Variants in BRD7 observed in about 807,000 individuals in gnomAD.
The protein encoded by BRD7 is bromodomain containing 7.
BRD7 carries 15 observed loss-of-function variants against 82.1 expected under a neutral mutation model. The observed-to-expected ratio is 0.18, with a 90% confidence interval of 0.12 to 0.28. BRD7 has a LOEUF of 0.28. BRD7 is among the 10% of genes least tolerant of loss of function. The pLI is 1.00. For missense variants in BRD7, 638 were observed against 779.9 expected (o/e 0.82, Z 2.17); for synonymous variants, 232 against 266.9 (o/e 0.87, Z 1.27).
intron 5 of BRD7, among the ~76,000 whole-genome samples, chr16:50,341,639 T>G (rs1390844596): frequency 2.7e-5 from 2 of 75,386 alleles, no homozygotes; most frequent in African/African-American, 1.4e-4. Flanking sequence ...TGAGACTCGG[T>G]CTCAAAAAAA....
chr16:50,349,138 T>C (rs1250136964), intron 5 of BRD7: 2 of 163,510 alleles, frequency 1.2e-5, no homozygotes, highest in Non-Finnish European at 1.3e-5. Flanking sequence ...GAGCAAACTA[T>C]GGCAAGGACA....
chr16:50,319,119 C>T lies in BRD7; in HGVS notation c.*92G>A, dbSNP rs1019904848. The T allele has an allele frequency of 1.6e-6, 2 of 1,252,282 alleles. No individual in the cohort carries two copies. Among genetic ancestry groups the T allele is most frequent in the African/African-American group, 1.6e-5 (1 of 64,332 alleles). The allele number at this position is 1,252,282 out of a possible 1,614,324, so 77.6% of individuals were successfully genotyped here. A position where few individuals can be genotyped will look rare whatever the true frequency, so the allele number is the denominator to read the frequency against. ...CTGTTCCAAAGTTTAATTAAAAACA[C>T]AATTTACAAATATTTAATATCTTCT... On this transcript the variant is annotated 3_prime_UTR_variant, in exon 17 of 17. Coordinates refer to ENST00000394688, the MANE Select transcript of BRD7 (RefSeq NM_013263.5).
chr16:50,334,978 A>C, intron 6 of BRD7, 83 bp from the exon 7 acceptor site: 2 of 1,317,258 alleles, frequency 1.5e-6, no homozygotes, highest in Non-Finnish European at 2.1e-6. Context: ...AGGAGTTTAT[A>C]CTTATCCTGT....
intron 8 of BRD7, among the ~76,000 whole-genome samples, chr16:50,330,854 G>A (rs1235401660): frequency 6.6e-6 from 1 of 152,052 alleles, no homozygotes; most frequent in East Asian, 1.9e-4. Flanking sequence ...GTTATATTAA[G>A]TAATCTTAGG....
chr16:50,368,800 C>T lies in BRD7; in HGVS notation c.-26G>A. ...GTCCGACCGGGCCCCGGTGCCCGCC[C>T]CCCGCGCCAGGCCCAGGCCGTGCGG... On this transcript the variant is annotated 5_prime_UTR_variant, in exon 1 of 17. Coordinates refer to ENST00000394688, the MANE Select transcript of BRD7 (RefSeq NM_013263.5). 6.6e-7 allele frequency: 1 copy of T among 1,516,306 alleles called. No homozygotes were observed. Among genetic ancestry groups the T allele is most frequent in the South Asian group, 1.2e-5 (1 of 84,462 alleles). 93.9% of individuals were successfully genotyped at this position (1,516,306 alleles called of 1,614,324 possible).
intron 8 of BRD7, among the ~76,000 whole-genome samples, chr16:50,332,230 C>G (rs1315348477): frequency 1.9e-5 from 2 of 105,308 alleles, no homozygotes; most frequent in Non-Finnish European, 3.7e-5. Context: ...TATGTGTGAA[C>G]TACGCATCCA....
chr16:50,318,952 T>C lies in BRD7; in HGVS notation c.*259A>G, dbSNP rs563489348. The C allele has an allele frequency of 1.0e-5, 4 of 387,460 alleles. No individual in the cohort carries two copies. Among genetic ancestry groups the C allele is most frequent in the Non-Finnish European group, 1.9e-5 (4 of 214,740 alleles). 24.0% of individuals were successfully genotyped at this position (387,460 alleles called of 1,614,324 possible). A position where few individuals can be genotyped will look rare whatever the true frequency, so the allele number is the denominator to read the frequency against. On this transcript the variant is annotated 3_prime_UTR_variant, in exon 17 of 17. Transcript: ENST00000394688. ...TAGTGATGATCCTGTCTGTGGGACA[T>C]AAGGAAGAAGCATTGGAAGGCACTA... is the stretch of plus-strand genomic sequence containing the variant.
intron 6 of BRD7, among the ~76,000 whole-genome samples, chr16:50,336,908 T>C (rs904416247): frequency 4.6e-5 from 7 of 152,246 alleles, no homozygotes; most frequent in Non-Finnish European, 5.9e-5. Flanking sequence ...CAGCACATTA[T>C]TGATCTTCAA....
intron 2 of BRD7, among the ~76,000 whole-genome samples, chr16:50,359,530 C>T (rs1216102518): frequency 2.0e-5 from 3 of 152,090 alleles, no homozygotes; most frequent in Admixed American, 6.5e-5. Flanking sequence ...CCTACTCTTA[C>T]GGAGCTCAGA....
Position 50,350,187 on chromosome 16 carries a change from A to T in BRD7, c.447-20T>A. ...TCTTTTCTGTAAAGATATGCAAAAGACAATGTAATATTTTATTCTATTACA... is the reference window on the plus strand; with the variant it reads ...TCTTTTCTGTAAAGATATGCAAAAGTCAATGTAATATTTTATTCTATTACA... On this transcript the variant is annotated intron_variant, in intron 4 of 16. Coordinates refer to ENST00000394688, the MANE Select transcript of BRD7 (RefSeq NM_013263.5). The T allele has an allele frequency of 1.3e-6, 2 of 1,531,602 alleles. No individual in the cohort carries two copies. Among genetic ancestry groups the T allele is most frequent in the Non-Finnish European group, 1.8e-6 (2 of 1,142,670 alleles). 94.9% of individuals were successfully genotyped at this position (1,531,602 alleles called of 1,614,324 possible).
chr16:50,357,239 G>A (rs1401347617), intron 2 of BRD7, among the ~76,000 whole-genome samples: 2 of 152,176 alleles, frequency 1.3e-5, no homozygotes, highest in Non-Finnish European at 2.9e-5. Context: ...TGTGGGTGTT[G>A]CTGGTACAGG....
intron 4 of BRD7, among the ~76,000 whole-genome samples, chr16:50,351,538 T>C (rs2038524181): frequency 1.3e-5 from 2 of 152,214 alleles, no homozygotes; most frequent in Non-Finnish European, 2.9e-5. Context: ...CCATCTAGTT[T>C]TGACCAAAAA....
rs532911410 is a variant in BRD7, at chr16:50,317,605, C to T, written c.*1606G>A. 5.9e-5 allele frequency: 9 copies of T among 152,432 alleles called. No homozygotes were observed. The East Asian group carries it at 1.5e-3, about 25-fold the overall frequency. 9.4% of individuals were successfully genotyped at this position (152,432 alleles called of 1,614,324 possible). A position where few individuals can be genotyped will look rare whatever the true frequency, so the allele number is the denominator to read the frequency against. ...TTTCCAATTAAAGCAAAGCACTGTG[C>T]TGTGCTCAGATAATAATAGTTTGTA... is the stretch of plus-strand genomic sequence containing the variant. On this transcript the variant is annotated 3_prime_UTR_variant, in exon 17 of 17. Coordinates refer to ENST00000394688, the MANE Select transcript of BRD7 (RefSeq NM_013263.5).
At chr16:50,326,094 C>T (rs565330640) in intron 10 of BRD7, among the ~76,000 whole-genome samples, 190 bp downstream of exon 10, 1 of 152,132 alleles carries the variant, frequency 6.6e-6, no homozygotes. Context: ...CAAGAAAGAA[C>T]AAAATTCATT....
At chr16:50,362,671 T>C (rs973905077) in intron 2 of BRD7, among the ~76,000 whole-genome samples, 1 of 152,180 alleles carries the variant, frequency 6.6e-6, no homozygotes, top group African/African-American at 2.4e-5. Flanking sequence ...GAGGACATTG[T>C]GCTAAATGAT....
rs2036859014 is a variant in BRD7 at position 50,317,515 on chromosome 16, T to G, written c.*1696A>C. On this transcript the variant is annotated 3_prime_UTR_variant, in exon 17 of 17. Transcript: ENST00000394688. ...TTGGAATATTTGTTTTTTTCTTCAG[T>G]AACAACAGAAACCCCAGTTGGGAGT... 6.6e-6 allele frequency: 1 copy of G among 152,366 alleles called. No individual in the cohort carries two copies. Among genetic ancestry groups the G allele is most frequent in the African/African-American group, 2.4e-5 (1 of 41,458 alleles). The allele number at this position is 152,366 out of a possible 1,614,324, so 9.4% of individuals were successfully genotyped here.
chr16:50,325,225 C>T (rs543026004), intron 11 of BRD7, among the ~76,000 whole-genome samples: 142 of 152,294 alleles, frequency 9.3e-4, no homozygotes, highest in African/African-American at 3.3e-3. Context: ...AACAGGAACA[C>T]AGAGATGATC....
At chr16:50,367,181 G>A (rs961920333) in intron 2 of BRD7, among the ~76,000 whole-genome samples, 12 of 152,232 alleles carry the variant, frequency 7.9e-5, no homozygotes, top group South Asian at 4.1e-4. Flanking sequence ...GTAATAAGTC[G>A]TTCAGTGGCA....
intron 2 of BRD7, among the ~76,000 whole-genome samples, chr16:50,358,483 C>T (rs4785413): frequency 0.25 from 32,704 of 133,110 alleles, 4,056 homozygotes; most frequent in Admixed American, 0.35. Context: ...GCAACAGAGC[C>T]AGATCCTGTC....
Sources: allele counts gnomAD v4.1 joint callset (sites outside exome capture counted in the v4.1 genomes callset), GRCh38; gene constraint gnomAD v4.1.1; transcripts MANE v1.5; gene names NCBI Gene and HGNC (gene_info 2026-07-23, HGNC 2026-07-21).